Variants in CLUL1 observed in about 807,000 individuals in gnomAD.
CLUL1 encodes clusterin-like protein 1.
In CLUL1, 43 loss-of-function variants were observed where a neutral mutation model predicts 49.4. The ratio of observed to expected loss-of-function variants is 0.87; its 90% CI spans 0.68 to 1.12. The LOEUF (loss-of-function observed/expected upper bound fraction) is 1.12. Ranked by LOEUF, CLUL1 falls within the 50% of genes most tolerant of loss-of-function variation. The pLI, the probability that CLUL1 is intolerant of heterozygous loss-of-function variation, is 0.00. For synonymous variants in CLUL1, 192 were observed against 184.9 expected, an observed-to-expected ratio of 1.04 and a Z score of -0.31; for missense variants, 486 against 544.4, an observed-to-expected ratio of 0.89 and a Z score of 1.07.
At chr18:599,192 G>C (rs2072748040) in intron 1 of CLUL1, among the ~76,000 whole-genome samples, 1 of 152,152 alleles carries the variant, frequency 6.6e-6, no homozygotes. Flanking sequence ...ATTTTTACAT[G>C]TCTTTAAGTG....
At chr18:626,901 A>G (rs879093801) in intron 5 of CLUL1, among the ~76,000 whole-genome samples, 196 bp from the exon 6 acceptor site, 401 of 1,224 alleles carry the variant, frequency 0.33, 57 homozygotes, top group Admixed American at 0.37. Flanking sequence ...GAAAGAAAGA[A>G]AGAAAGAAAG....
intron 1 of CLUL1, among the ~76,000 whole-genome samples, chr18:603,205 C>T (rs568509243): frequency 3.3e-5 from 5 of 152,140 alleles, no homozygotes; most frequent in Non-Finnish European, 7.3e-5. Context: ...TGCAGAATCC[C>T]AAGTCCCCGA....
At chr18:640,078 A>G (rs1055551879) in intron 7 of CLUL1, among the ~76,000 whole-genome samples, 6 of 152,232 alleles carry the variant, frequency 3.9e-5, no homozygotes, top group Admixed American at 1.3e-4. Context: ...TCCATAATCT[A>G]TGGGTAATTT....
Position 641,393 on chromosome 18 carries a change from A to G in CLUL1, c.1061A>G (p.Asn354Ser), listed in dbSNP as rs775206214. The G allele has an allele frequency of 1.2e-5, 19 of 1,614,104 alleles. No individual in the cohort carries two copies. Among genetic ancestry groups the G allele is most frequent in the Non-Finnish European group, 1.4e-5 (17 of 1,180,058 alleles). Residue 354 changes from asparagine to serine, a missense_variant, in exon 8 of 10, where the codon AAT (asparagine) becomes AGT (serine). Coordinates refer to ENST00000692774, the MANE Select transcript of CLUL1 (RefSeq NM_001393344.1). The stretch of plus-strand genomic sequence containing the variant: ...GCGATCAGGTTGGTCAATGTATCCA[A>G]TCAGCAGTATGGCCAGATTCTCCAG... Reference protein sequence around the residue: ...DEAIRLVNVSNQQYGQILQMT... With the variant: ...DEAIRLVNVSSQQYGQILQMT...
intron 1 of CLUL1, among the ~76,000 whole-genome samples, chr18:605,984 T>C (rs2072963688): frequency 6.6e-6 from 1 of 152,154 alleles, no homozygotes. Context: ...TCGTTTTTTC[T>C]TTTCTTTTTT....
chr18:625,622 C>G (rs2073663278), intron 5 of CLUL1, among the ~76,000 whole-genome samples: 1 of 151,308 alleles, frequency 6.6e-6, no homozygotes, highest in African/African-American at 2.4e-5. Context: ...CTTTTTTGTA[C>G]CCTTTGGTTA....
chr18:641,835 G>A (rs1408677737), intron 8 of CLUL1, among the ~76,000 whole-genome samples: 10 of 152,076 alleles, frequency 6.6e-5, no homozygotes, highest in Admixed American at 2.6e-4. Context: ...GAAGAAATAT[G>A]GCCAATGTAG....
chr18:609,706 C>T (rs1367640254), intron 2 of CLUL1, among the ~76,000 whole-genome samples: 3 of 151,790 alleles, frequency 2.0e-5, no homozygotes, highest in African/African-American at 7.3e-5. Context: ...TGCTTGTAAT[C>T]CCAGCTACTC....
At chr18:648,480 CTAT>C (rs1231821136) in intron 9 of CLUL1, among the ~76,000 whole-genome samples, 1 of 152,168 alleles carries the variant, frequency 6.6e-6, no homozygotes, top group African/African-American at 2.4e-5. Flanking sequence ...AACACAACCA[CTAT>C]TATCATTTGT....
rs1225015547 is a variant in CLUL1 at position 626,928 on chromosome 18, AAGGAAAG to A, written c.424-167_424-161del. ...GAAAGAAAGAAAGAAAGAAAGAAAGAAGGAAAGAAGGAAAGAAGGAAGGAAGGAAGGA... is the reference window on the plus strand; with the variant it reads ...GAAAGAAAGAAAGAAAGAAAGAAAGAAAGGAAAGAAGGAAGGAAGGAAGGA... On this transcript the variant is annotated intron_variant, in intron 5 of 9. Transcript: ENST00000692774. Among the ~76,000 whole-genome samples, 17 of 23,272 alleles carry A rather than the reference AAGGAAAG, an allele frequency of 7.3e-4. 3 individuals are homozygous for A. The highest frequency in any genetic ancestry group is 3.2e-3 in the African/African-American group (16 of 5,036). The allele number at this position is 23,272 out of a possible 152,430, so 15.3% of individuals were successfully genotyped here. A position where few individuals can be genotyped will look rare whatever the true frequency, so the allele number is the denominator to read the frequency against.
At chr18:642,279 A>G (rs1458572400) in intron 8 of CLUL1, among the ~76,000 whole-genome samples, 1 of 152,054 alleles carries the variant, frequency 6.6e-6, no homozygotes, top group Non-Finnish European at 1.5e-5. Flanking sequence ...AAAAACATAA[A>G]AAATTAGCCA....
intron 2 of CLUL1, among the ~76,000 whole-genome samples, chr18:614,273 G>A (rs2073225152): frequency 6.8e-6 from 1 of 146,362 alleles, no homozygotes. Context: ...ATGAATGGCT[G>A]AATAAATGGA....
chr18:626,063 A>C (rs1409508771), intron 5 of CLUL1, among the ~76,000 whole-genome samples: 1 of 152,308 alleles, frequency 6.6e-6, no homozygotes, highest in East Asian at 1.9e-4. Flanking sequence ...TGAAGAGTCA[A>C]GTAAACAGAA....
In CLUL1 at chr18:634,648, G is replaced by A. The variant is rs186191469; in HGVS notation, c.994+1213G>A. 1.1e-3 allele frequency among the ~76,000 whole-genome samples: 167 copies of A among 152,220 alleles called. 1 individual carries two copies. The highest frequency in any genetic ancestry group is 2.3e-3 in the South Asian group (11 of 4,820). On this transcript the variant is annotated intron_variant, in intron 7 of 9. Coordinates refer to ENST00000692774, the MANE Select transcript of CLUL1 (RefSeq NM_001393344.1). ...GAAACCTTTCATTCTGTAAATCAGT[G>A]TTTAGACAAGTGAAATATTTTTTTG...
chr18:601,537 C>T (rs915245934), intron 1 of CLUL1, among the ~76,000 whole-genome samples: 2 of 151,984 alleles, frequency 1.3e-5, no homozygotes, highest in Non-Finnish European at 2.9e-5. Context: ...ATCCCAGGTA[C>T]TCAGGAGGTT....
intron 1 of CLUL1, chr18:598,264 G>A (rs1287808790): frequency 3.1e-6 from 1 of 318,568 alleles, no homozygotes; most frequent in Non-Finnish European, 5.7e-6. Flanking sequence ...GCATAGAAGA[G>A]GACATGCTGG....
intron 9 of CLUL1, among the ~76,000 whole-genome samples, chr18:648,682 A>C (rs2074587239): frequency 6.6e-6 from 1 of 152,090 alleles, no homozygotes; most frequent in African/African-American, 2.4e-5. Flanking sequence ...TTTTTGAGAC[A>C]GTCTCTCTCT....
At chr18:645,816 T>G (rs1313673666) in intron 9 of CLUL1, among the ~76,000 whole-genome samples, 2 of 37,890 alleles carry the variant, frequency 5.3e-5, no homozygotes, top group Admixed American at 2.5e-4. Context: ...AAAAAATATA[T>G]ATATATATAT....
intron 6 of CLUL1, among the ~76,000 whole-genome samples, chr18:630,209 A>G (rs1270514002): frequency 1.3e-5 from 2 of 152,112 alleles, no homozygotes; most frequent in Non-Finnish European, 2.9e-5. Context: ...CCGGGGTTTA[A>G]GTGATTCTCC....
Sources: allele counts gnomAD v4.1 joint callset (sites outside exome capture counted in the v4.1 genomes callset), GRCh38; gene constraint gnomAD v4.1.1; transcripts MANE v1.5; gene names NCBI Gene and HGNC (gene_info 2026-07-23, HGNC 2026-07-21).